The following PLS1 variants were observed in gnomAD, a reference collection of about 807,000 sequenced individuals.
The protein encoded by PLS1 is plastin-1.
In PLS1, 32 loss-of-function variants were observed where a neutral mutation model predicts 73.7. The ratio of observed to expected loss-of-function variants is 0.43; its 90% CI spans 0.33 to 0.58. The LOEUF (loss-of-function observed/expected upper bound fraction) is 0.58, where lower values mean the gene tolerates loss of function less well. Among genes scored for constraint, PLS1 ranks in the 20% least tolerant of loss-of-function variants. The pLI is 0.04. For synonymous variants in PLS1, 217 were observed against 261.3 expected, an observed-to-expected ratio of 0.83 and a Z score of 1.63; for missense variants, 633 against 740.5, an observed-to-expected ratio of 0.85 and a Z score of 1.68.
chr3:142,694,663 TAG>T (rs1044215838), intron 11 of PLS1, 116 bp downstream of exon 11: 1 of 587,576 alleles, frequency 1.7e-6, no homozygotes, highest in Non-Finnish European at 3.0e-6. Flanking sequence ...AGCCAATTTT[TAG>T]AGTTTCAGGA....
At chr3:142,631,100 G>C (rs1040634742) in intron 1 of PLS1, among the ~76,000 whole-genome samples, 3 of 151,784 alleles carry the variant, frequency 2.0e-5, no homozygotes, top group African/African-American at 7.3e-5. Context: ...ATTGAGACTG[G>C]GCATGGTGGC....
At chr3:142,616,678 C>T (rs1298242812) in intron 1 of PLS1, among the ~76,000 whole-genome samples, 1 of 152,168 alleles carries the variant, frequency 6.6e-6, no homozygotes, top group African/African-American at 2.4e-5. Context: ...TCTCAGCTCA[C>T]TGCAACCACT....
chr3:142,644,802 G>A (rs2036918519), intron 1 of PLS1, among the ~76,000 whole-genome samples: 1 of 152,186 alleles, frequency 6.6e-6, no homozygotes, highest in East Asian at 1.9e-4. Flanking sequence ...AACTGCTTTG[G>A]AAAGTATAAA....
chr3:142,706,024 C>T (rs1384812373), intron 14 of PLS1, among the ~76,000 whole-genome samples: 1 of 152,028 alleles, frequency 6.6e-6, no homozygotes, highest in African/African-American at 2.4e-5. Flanking sequence ...CTCTAATTGG[C>T]AGTTATTCTT....
chr3:142,703,820 A>G, intron 12 of PLS1, 48 bp from the exon 13 acceptor site: 2 of 1,317,758 alleles, frequency 1.5e-6, no homozygotes, highest in Non-Finnish European at 1.1e-6. Context: ...TATTCTGGAG[A>G]TATGTTTTTA....
intron 9 of PLS1, 109 bp downstream of exon 9, chr3:142,686,485 A>G: frequency 2.8e-6 from 2 of 720,818 alleles, no homozygotes; most frequent in Admixed American, 1.9e-5. Flanking sequence ...GTACATTTGC[A>G]TTGTTGTGCA....
In PLS1 at chr3:142,711,935, A is replaced by C. The variant is rs1933149947; in HGVS notation, c.1818A>C (p.Val606=). Residue 606 remains valine, a synonymous_variant, in exon 16 of 16, where the codon GTA becomes GTC. Coordinates refer to ENST00000457734, the MANE Select transcript of PLS1 (RefSeq NM_001145319.2). The part of the protein sequence containing the change: ...ARIYALPDDL[V]EVKPKMVMTV... ...TATATGCATTACCTGATGACCTCGTAGAAGTGAAACCAAAGATGGTTATGA... is the reference window on the plus strand; with the variant it reads ...TATATGCATTACCTGATGACCTCGTCGAAGTGAAACCAAAGATGGTTATGA... The C allele has an allele frequency of 6.2e-7, 1 of 1,613,454 alleles. No homozygotes were observed.
chr3:142,623,992 G>T (rs1026745210), intron 1 of PLS1, among the ~76,000 whole-genome samples: 2 of 152,044 alleles, frequency 1.3e-5, no homozygotes, highest in Admixed American at 6.6e-5. Flanking sequence ...TTGGAAACTT[G>T]ATGCTTTCAG....
intron 1 of PLS1, among the ~76,000 whole-genome samples, chr3:142,660,409 G>C (rs77038701): frequency 0.062 from 9,488 of 152,146 alleles, 966 homozygotes; most frequent in African/African-American, 0.22. Flanking sequence ...ACCTAATCTA[G>C]TGAACGTCAT....
intron 3 of PLS1, 122 bp from the exon 4 acceptor site, chr3:142,670,871 T>G: frequency 1.6e-6 from 1 of 623,596 alleles, no homozygotes. Flanking sequence ...ATACAAGCAA[T>G]AAGTACAACT....
At chr3:142,686,618 T>G (rs2037972196) in intron 9 of PLS1, among the ~76,000 whole-genome samples, 1 of 152,228 alleles carries the variant, frequency 6.6e-6, no homozygotes, top group African/African-American at 2.4e-5. Flanking sequence ...TTCTACTTTT[T>G]GACTATGAAT....
chr3:142,620,616 G>A (rs1285951299), intron 1 of PLS1, among the ~76,000 whole-genome samples: 1 of 152,164 alleles, frequency 6.6e-6, no homozygotes, highest in East Asian at 1.9e-4. Context: ...TTATCAAATA[G>A]TTTGAGTTAC....
chr3:142,599,916 G>A lies in PLS1; in HGVS notation c.-37+3407G>A, dbSNP rs115660613. On this transcript the variant is annotated intron_variant, in intron 1 of 15. Coordinates refer to ENST00000457734, the MANE Select transcript of PLS1 (RefSeq NM_001145319.2). ...TGGCCACAGGCACGTGCCACCATGC[G>A]TGGCTAATTTTGTATTTTTTTGTGT... Among the ~76,000 whole-genome samples the A allele has an allele frequency of 2.4e-3, 372 of 151,960 alleles. 3 individuals are homozygous for A. The highest frequency in any genetic ancestry group is 8.2e-3 in the African/African-American group (338 of 41,466).
chr3:142,698,144 T>C, intron 12 of PLS1, 77 bp downstream of exon 12: 1 of 835,590 alleles, frequency 1.2e-6, no homozygotes, highest in African/African-American at 1.7e-5. Context: ...CATGAAGTTA[T>C]ACGTGCTCTG....
intron 11 of PLS1, among the ~76,000 whole-genome samples, chr3:142,695,761 CTTATTTATTTATTTATTTATTTATTTAT>C (rs55888631): frequency 1.1e-5 from 1 of 94,260 alleles, no homozygotes; most frequent in Non-Finnish European, 2.1e-5. Flanking sequence ...AGGAGACTTA[CTTATTTATTTATTTATTTATTTATTTAT>C]TTATTTATTT....
In PLS1 at chr3:142,661,943, G is replaced by A. The variant is rs948652026; in HGVS notation, c.-36-2259G>A. Among the ~76,000 whole-genome samples the A allele has an allele frequency of 9.7e-4, 148 of 152,172 alleles. 3 individuals carry two copies. Among genetic ancestry groups the A allele is most frequent in the Middle Eastern group, 3.4e-3 (1 of 294 alleles). The stretch of plus-strand genomic sequence containing the variant: ...AACTTGCTTTCACTTAAAAAAAATA[G>A]GAACACTCTTACACTGTTGGTGGGA... On this transcript the variant is annotated intron_variant, in intron 1 of 15. Coordinates refer to ENST00000457734, the MANE Select transcript of PLS1 (RefSeq NM_001145319.2).
At chr3:142,633,421 C>T (rs1361491232) in intron 1 of PLS1, among the ~76,000 whole-genome samples, 2 of 152,060 alleles carry the variant, frequency 1.3e-5, no homozygotes, top group African/African-American at 2.4e-5. Flanking sequence ...TTTGGGAGGC[C>T]GAGACAGATG....
chr3:142,645,933 T>C (rs947151830), intron 1 of PLS1, among the ~76,000 whole-genome samples: 1 of 152,108 alleles, frequency 6.6e-6, no homozygotes, highest in African/African-American at 2.4e-5. Context: ...CTAGGGCAGC[T>C]TCTAACAGGA....
At chr3:142,608,935 G>A (rs1315576464) in intron 1 of PLS1, among the ~76,000 whole-genome samples, 2 of 152,184 alleles carry the variant, frequency 1.3e-5, no homozygotes, top group African/African-American at 4.8e-5. Flanking sequence ...CAGTTACATT[G>A]CTCAATGTAT....
Sources: gnomAD v4.1 joint callset for allele counts (sites outside exome capture counted in the v4.1 genomes callset) on GRCh38, gnomAD v4.1.1 for gene constraint, MANE v1.5 for transcripts, NCBI Gene and HGNC (gene_info 2026-07-23, HGNC 2026-07-21) for gene names.